The following ZNF23 variants were observed in gnomAD, a reference collection of about 807,000 sequenced individuals.
ZNF23 encodes the protein zinc finger protein 23.
In ZNF23, 48 loss-of-function variants were observed where a neutral mutation model predicts 56.2. The observed-to-expected ratio is 0.85, with a 90% CI of 0.68 to 1.09. The LOEUF (loss-of-function observed/expected upper bound fraction) is 1.09. Ranked by LOEUF, ZNF23 falls within the 50% of genes least tolerant of loss-of-function variation. ZNF23 has a pLI of 0.00. For synonymous variants in ZNF23, 266 were observed against 283.3 expected, an observed-to-expected ratio of 0.94 and a Z score of 0.61; for missense variants, 805 against 811.4, an observed-to-expected ratio of 0.99 and a Z score of 0.10.
At position 71,454,070 on chromosome 16, in the gene ZNF23, C is replaced by A. The variant is rs974931992; in HGVS notation, c.132G>T (p.Leu44=). 5.0e-6 allele frequency: 8 copies of A among 1,614,042 alleles called. No individual in the cohort carries two copies. Among genetic ancestry groups the A allele is most frequent in the Non-Finnish European group, 6.8e-6 (8 of 1,180,020 alleles). The change falls in exon 3 of 5, where the codon CTG becomes CTT. Residue 44 remains leucine (L), a synonymous_variant. Coordinates refer to ENST00000647773, the MANE Select transcript of ZNF23 (RefSeq NM_001381984.1). The part of the protein sequence containing the change: ...AQRTLYRDVM[L]ENYGNVASLG... Reference sequence around the variant, plus strand: ...GGGAGGCCACATTCCCATAATTCTCCAGCATCACATCCCTGTACAGGGTCC... The same window carrying A: ...GGGAGGCCACATTCCCATAATTCTCAAGCATCACATCCCTGTACAGGGTCC...
chr16:71,460,552 C>A (rs1044214570), intron 1 of ZNF23, among the ~76,000 whole-genome samples: 1 of 152,144 alleles, frequency 6.6e-6, no homozygotes, highest in Non-Finnish European at 1.5e-5. Context: ...TTTCCCAATT[C>A]TTTTTATGGT....
intron 1 of ZNF23, among the ~76,000 whole-genome samples, chr16:71,459,229 A>G (rs1185583453): frequency 1.3e-5 from 2 of 152,222 alleles, no homozygotes; most frequent in Non-Finnish European, 2.9e-5. Context: ...TGAAGTGCAG[A>G]GGCATTAACA....
chr16:71,450,718 C>CAAA, intron 4 of ZNF23: 42 of 352,616 alleles, frequency 1.2e-4, no homozygotes, highest in East Asian at 2.0e-4. Context: ...GACTCCATCT[C>CAAA]AAAAAAAAAA....
chr16:71,457,885 G>A (rs1392977403), intron 1 of ZNF23, among the ~76,000 whole-genome samples: 1 of 152,150 alleles, frequency 6.6e-6, no homozygotes, highest in Admixed American at 6.5e-5. Flanking sequence ...TATCACAGCA[G>A]GAGAAGCTGG....
Position 71,449,708 on chromosome 16 carries a change from A to G in ZNF23, c.446T>C (p.Ile149Thr), listed in dbSNP as rs750413322. The change falls in exon 5 of 5, where the codon ATT becomes ACT. Residue 149 changes from isoleucine (I) to threonine (T), a missense_variant. Ile to Thr is a moderately conservative substitution (Grantham distance 89). Coordinates refer to ENST00000647773, the MANE Select transcript of ZNF23 (RefSeq NM_001381984.1). ...TGTCTCATCTTTCACTGTTCCATCA[A>G]TGGTGTTGCTCTTCTCCTTCTTTAT... Reference protein sequence around the residue: ...GNIKKEKSNTIDGTVKDETSP... With the variant: ...GNIKKEKSNTTDGTVKDETSP... The G allele has an allele frequency of 6.2e-6, 10 of 1,613,840 alleles. No homozygotes were observed. The highest frequency in any genetic ancestry group is 2.2e-5 in the South Asian group (2 of 91,080).
intron 2 of ZNF23, among the ~76,000 whole-genome samples, chr16:71,455,364 T>C (rs894082439): frequency 1.3e-5 from 2 of 152,110 alleles, no homozygotes; most frequent in African/African-American, 4.8e-5. Context: ...GAAAGATTTT[T>C]TTTTTTCTTT....
At chr16:71,458,297 T>C (rs1480174781) in intron 1 of ZNF23, among the ~76,000 whole-genome samples, 1 of 152,246 alleles carries the variant, frequency 6.6e-6, no homozygotes, top group Admixed American at 6.5e-5. Flanking sequence ...AAAGTCAGTC[T>C]TGAAATTACA....
Position 71,448,226 on chromosome 16 carries a change from C to G in ZNF23, c.1928G>C (p.Ser643Thr). Residue 643 changes from serine to threonine, a missense_variant, in exon 5 of 5, where the codon AGT (serine) becomes ACT (threonine). Transcript: ENST00000647773. Reference protein sequence around the residue: ...CVECGKGFSFSSDYIIHQTVH... With the variant: ...CVECGKGFSFTSDYIIHQTVH... ...TGTCTGATGTATAATGTAGTCAGAA[C>G]TAAAGCTGAAGCCTTTGCCACATTC... The G allele has an allele frequency of 6.2e-7, 1 of 1,614,228 alleles. No homozygotes were observed. Among genetic ancestry groups the G allele is most frequent in the South Asian group, 1.1e-5 (1 of 91,088 alleles).
In ZNF23 at chr16:71,453,290, C is replaced by A. The variant is rs1284902808; in HGVS notation, c.221G>T (p.Gly74Val). 1.2e-6 allele frequency: 2 copies of A among 1,608,628 alleles called. No individual in the cohort carries two copies. Among genetic ancestry groups the A allele is most frequent in the Admixed American group, 3.4e-5 (2 of 59,546 alleles). Residue 74 changes from glycine (G) to valine (V), a missense_variant, in exon 4 of 5, where the codon GGC becomes GTC. Physicochemically the swap from Gly to Val is moderately radical, Grantham distance 109 (BLOSUM62 -3). Transcript: ENST00000647773. ...SQLEGGSELG[G>V]SSPLAAGTGL... ...TGTTCCTGCAGCCAGTGGAGATGAG[C>A]CCCCCAGCTCACTTCCTCCCTCCAG...
At chr16:71,461,214 A>G (rs1257369463) in intron 1 of ZNF23, among the ~76,000 whole-genome samples, 2 of 152,186 alleles carry the variant, frequency 1.3e-5, no homozygotes, top group African/African-American at 4.8e-5. Flanking sequence ...TAAATTCAGC[A>G]GTACTGGCAA....
Position 71,448,593 on chromosome 16 carries a change from A to G in ZNF23, c.1561T>C (p.Cys521Arg), listed in dbSNP as rs1024329650. ...GTAAAGCATCTCCCACACTCATTAC[A>G]TTCAAAAGGTTTCTCCCCAGTGTGA... ...RIHTGEKPFECNECGRCFTSK... is the reference protein window; with the variant it reads ...RIHTGEKPFERNECGRCFTSK... Residue 521 changes from cysteine (C) to arginine (R), a missense_variant, in exon 5 of 5, where the codon TGT (cysteine) becomes CGT (arginine). Coordinates refer to ENST00000647773, the MANE Select transcript of ZNF23 (RefSeq NM_001381984.1). The G allele has an allele frequency of 1.9e-6, 3 of 1,614,118 alleles. No individual in the cohort carries two copies. The highest frequency in any genetic ancestry group is 2.5e-6 in the Non-Finnish European group (3 of 1,180,022).
In ZNF23 at chr16:71,448,920, A is replaced by G; in HGVS notation, c.1234T>C (p.Cys412Arg). ...GTATTATTATTGAAGCCTTTTCCAC[A>G]CTCTTTACACTGATAGGGCTTTTCT... ...TGEKPYQCKE[C>R]GKGFNNNTKL... is the part of the protein sequence containing the mutation. The change falls in exon 5 of 5, where the codon TGT becomes CGT. Residue 412 changes from cysteine to arginine, a missense_variant. Physicochemically the swap from Cys to Arg is radical, Grantham distance 180. Transcript: ENST00000647773. 2 of 1,613,938 alleles carry G rather than the reference A, an allele frequency of 1.2e-6. No individual in the cohort carries two copies. The highest frequency in any genetic ancestry group is 8.5e-7 in the Non-Finnish European group (1 of 1,180,002).
At chr16:71,453,848 G>A (rs2043134879) in intron 3 of ZNF23, 194 bp downstream of exon 3, 1 of 649,300 alleles carries the variant, frequency 1.5e-6, no homozygotes. Flanking sequence ...CCAGTTCCAA[G>A]CAAAGTCCTA....
At chr16:71,454,269 G>A (rs1567562614) in intron 2 of ZNF23, 101 bp from the exon 3 acceptor site, 1 of 1,440,364 alleles carries the variant, frequency 6.9e-7, no homozygotes, top group Non-Finnish European at 9.1e-7. Context: ...GTGCTTGTGA[G>A]AGCACAAAAT....
intron 4 of ZNF23, chr16:71,450,462 T>C (rs71403849): frequency 0.13 from 31,831 of 250,226 alleles, 2,482 homozygotes; most frequent in African/African-American, 0.2. Flanking sequence ...CTCACACCTG[T>C]AATCCCAACA....
rs752110263 is a variant in ZNF23, at chr16:71,449,190, G to C, written c.964C>G (p.Pro322Ala). The change falls in exon 5 of 5, where the codon CCC (proline) becomes GCC (alanine). Residue 322 changes from proline (P) to alanine (A), a missense_variant. Transcript: ENST00000647773. ...TTTCCACATTCCTTGCACTGATAGGGCTTCTCTCCCGTATGGATTCTCTGA... is the reference window on the plus strand; with the variant it reads ...TTTCCACATTCCTTGCACTGATAGGCCTTCTCTCCCGTATGGATTCTCTGA... ...RHQRIHTGEK[P>A]YQCKECGNGF... is the part of the protein sequence containing the mutation. 3 of 1,614,060 alleles carry C rather than the reference G, an allele frequency of 1.9e-6. No individual in the cohort carries two copies. The highest frequency in any genetic ancestry group is 2.5e-6 in the Non-Finnish European group (3 of 1,179,998).
In ZNF23 at chr16:71,448,610, C is replaced by G. The variant is rs540754239; in HGVS notation, c.1544G>C (p.Gly515Ala). The G allele has an allele frequency of 1.1e-5, 17 of 1,614,156 alleles. No individual in the cohort carries two copies. The East Asian group carries it at 1.3e-4, about 13-fold the overall frequency. ...CTCATTACATTCAAAAGGTTTCTCCCCAGTGTGAATTCTCTGATGCCGCAT... is the reference window on the plus strand; with the variant it reads ...CTCATTACATTCAAAAGGTTTCTCCGCAGTGTGAATTCTCTGATGCCGCAT... Reference protein sequence around the residue: ...KLMRHQRIHTGEKPFECNECG... With the variant: ...KLMRHQRIHTAEKPFECNECG... The change falls in exon 5 of 5, where the codon GGG becomes GCG. Residue 515 changes from glycine to alanine, a missense_variant. By Grantham distance (60) the Gly-to-Ala change is moderately conservative (BLOSUM62 0). Transcript: ENST00000647773.
intron 1 of ZNF23, among the ~76,000 whole-genome samples, chr16:71,458,479 G>A (rs187728311): frequency 1.1e-3 from 170 of 152,304 alleles, no homozygotes; most frequent in Non-Finnish European, 2.0e-3. Context: ...CAGGGTTAGA[G>A]TTAGAGACTA....
intron 1 of ZNF23, among the ~76,000 whole-genome samples, chr16:71,457,426 G>C (rs1008676237): frequency 2.6e-5 from 4 of 152,200 alleles, no homozygotes; most frequent in Admixed American, 6.5e-5. Context: ...AGCCGGGCGT[G>C]CTGGCGGGCG....
Sources: gnomAD v4.1 joint callset for allele counts (sites outside exome capture counted in the v4.1 genomes callset) on GRCh38, gnomAD v4.1.1 for gene constraint, MANE v1.5 for transcripts, NCBI Gene and HGNC (gene_info 2026-07-23, HGNC 2026-07-21) for gene names.